OSBPL8: variants seen among roughly 807,000 people sequenced by gnomAD.
OSBPL8 encodes the protein oxysterol binding protein like 8.
A neutral mutation model predicts 125.5 loss-of-function variants in OSBPL8; 59 were observed. That is an observed-to-expected ratio of 0.47 (90% CI 0.38 to 0.58). The LOEUF (loss-of-function observed/expected upper bound fraction) is 0.58. Ranked by LOEUF, OSBPL8 falls within the 20% of genes least tolerant of loss-of-function variation. OSBPL8 has a pLI of 0.00. For synonymous variants in OSBPL8, 330 were observed against 338.9 expected, an observed-to-expected ratio of 0.97 and a Z score of 0.29; for missense variants, 758 against 1,047.8, an observed-to-expected ratio of 0.72 and a Z score of 3.82.
intron 1 of OSBPL8, among the ~76,000 whole-genome samples, chr12:76,520,567 G>A (rs1368870635): frequency 1.3e-5 from 2 of 152,100 alleles, no homozygotes; most frequent in Non-Finnish European, 2.9e-5. Flanking sequence ...GAGACCTAAA[G>A]GTTAACTGGC....
chr12:76,368,921 T>C (rs1297685832), intron 21 of OSBPL8, among the ~76,000 whole-genome samples: 1 of 152,134 alleles, frequency 6.6e-6, no homozygotes, highest in Non-Finnish European at 1.5e-5. Flanking sequence ...TGCACTGGGA[T>C]GGACCTGGGG....
chr12:76,472,595 A>G (rs952153367), intron 2 of OSBPL8, among the ~76,000 whole-genome samples: 1 of 152,296 alleles, frequency 6.6e-6, no homozygotes, highest in Non-Finnish European at 1.5e-5. Context: ...GCCATCTCCA[A>G]TGATAGGTAA....
intron 2 of OSBPL8, among the ~76,000 whole-genome samples, chr12:76,475,469 C>T (rs1023961149): frequency 3.3e-5 from 5 of 152,170 alleles, no homozygotes; most frequent in African/African-American, 1.2e-4. Flanking sequence ...TCTGTTTTTT[C>T]AGGTGGTCCC....
At chr12:76,362,115 G>A (rs1316937854) in intron 21 of OSBPL8, among the ~76,000 whole-genome samples, 3 of 152,058 alleles carry the variant, frequency 2.0e-5, no homozygotes, top group South Asian at 2.1e-4. Flanking sequence ...TTCAAATGCT[G>A]GAGGCTTAAA....
intron 1 of OSBPL8, 76 bp from the exon 2 acceptor site, chr12:76,487,694 G>C (rs1392312927): frequency 3.3e-5 from 17 of 520,548 alleles, no homozygotes; most frequent in Middle Eastern, 2.9e-4. Context: ...GAGTTTGTTA[G>C]AAGGGAAAAA....
chr12:76,541,218 T>C (rs1950635023), intron 1 of OSBPL8, among the ~76,000 whole-genome samples: 1 of 152,134 alleles, frequency 6.6e-6, no homozygotes, highest in Non-Finnish European at 1.5e-5. Context: ...GTGGCTCATG[T>C]CTGTAATCCC....
At chr12:76,359,802 G>A (rs1952129411) in intron 21 of OSBPL8, among the ~76,000 whole-genome samples, 1 of 152,078 alleles carries the variant, frequency 6.6e-6, no homozygotes, top group Non-Finnish European at 1.5e-5. Flanking sequence ...GAACAATATG[G>A]GGGAAACTGC....
chr12:76,372,195 A>C (rs973713620), intron 18 of OSBPL8, among the ~76,000 whole-genome samples: 1 of 150,988 alleles, frequency 6.6e-6, no homozygotes, highest in African/African-American at 2.4e-5. Flanking sequence ...GTCATCTCTC[A>C]CTCTCATCTC....
At chr12:76,459,135 A>C (rs1874402424) in intron 3 of OSBPL8, among the ~76,000 whole-genome samples, 1 of 152,184 alleles carries the variant, frequency 6.6e-6, no homozygotes, top group African/African-American at 2.4e-5. Context: ...TGCTATCTTA[A>C]CTTCAGGCTC....
In OSBPL8 at chr12:76,416,425, C is replaced by T. The variant is rs117847872; in HGVS notation, c.218-5791G>A. Among the ~76,000 whole-genome samples the T allele has an allele frequency of 5.0e-3, 761 of 152,152 alleles. 3 individuals are homozygous for T. The highest frequency in any genetic ancestry group is 8.2e-3 in the Non-Finnish European group (557 of 67,936). On this transcript the variant is annotated intron_variant, in intron 4 of 23. Coordinates refer to ENST00000261183, the MANE Select transcript of OSBPL8 (RefSeq NM_020841.5). Reference sequence around the variant, plus strand: ...AGTTCTATATTTGTCCATTAACACACATTTCTTAGTAGAGAAGTTCTATTT... The same window carrying T: ...AGTTCTATATTTGTCCATTAACACATATTTCTTAGTAGAGAAGTTCTATTT...
chr12:76,358,722 G>C lies in OSBPL8; in HGVS notation c.2418C>G (p.Asp806Glu), dbSNP rs937292584. The change falls in exon 22 of 24, where the codon GAC (aspartate) becomes GAG (glutamate). Residue 806 changes from aspartate (D) to glutamate (E), a missense_variant. Asp to Glu is a conservative substitution (Grantham distance 45). Coordinates refer to ENST00000261183, the MANE Select transcript of OSBPL8 (RefSeq NM_020841.5). ...TATTTTTACCTTCACTTCCAGAGGA[G>C]TCTTGAATGTCAGGTTCTGGGGAGG... ...GYSSPEPDIQ[D>E]SSGSEAQSVK... The C allele has an allele frequency of 1.2e-6, 2 of 1,611,604 alleles. No homozygotes were observed. The highest frequency in any genetic ancestry group is 1.7e-6 in the Non-Finnish European group (2 of 1,177,762).
At chr12:76,378,306 A>C (rs1952906892) in intron 16 of OSBPL8, 146 bp downstream of exon 16, 1 of 578,970 alleles carries the variant, frequency 1.7e-6, no homozygotes, top group Non-Finnish European at 3.0e-6. Flanking sequence ...AATGATAGCA[A>C]TAATCTTAAA....
At position 76,397,858 on chromosome 12, in the gene OSBPL8, C is replaced by T; in HGVS notation, c.508G>A (p.Val170Met). The change falls in exon 8 of 24, where the codon GTG (valine) becomes ATG (methionine). Residue 170 changes from valine (V) to methionine (M), a missense_variant. Val to Met is a conservative substitution (Grantham distance 21). Around this residue, in one of 3 missense-constraint regions of OSBPL8, gnomAD observed 69 missense variants for 148.7 expected, o/e 0.46. Transcript: ENST00000261183. ...ATCAGTAGCACCCCAGGTTTCAACA[C>T]ACACCATAACTTGGTCCAGCTCTTT... ...TLKSWTKLWC[V>M]LKPGVLLIYK... 2 of 1,614,086 alleles carry T rather than the reference C, an allele frequency of 1.2e-6. No homozygotes were observed. The highest frequency in any genetic ancestry group is 1.7e-6 in the Non-Finnish European group (2 of 1,179,992).
intron 4 of OSBPL8, among the ~76,000 whole-genome samples, chr12:76,446,379 A>C (rs535339937): frequency 1.3e-5 from 2 of 152,328 alleles, no homozygotes; most frequent in African/African-American, 4.8e-5. Flanking sequence ...ATGGAATTTC[A>C]GTGGATAAAC....
chr12:76,367,077 A>C (rs1419511162), intron 21 of OSBPL8, among the ~76,000 whole-genome samples: 9 of 152,152 alleles, frequency 5.9e-5, no homozygotes, highest in African/African-American at 2.2e-4. Context: ...AGTGTGGTTC[A>C]AGTTAATCCC....
chr12:76,520,901 C>T (rs1882009618), intron 1 of OSBPL8, among the ~76,000 whole-genome samples: 1 of 152,156 alleles, frequency 6.6e-6, no homozygotes, highest in South Asian at 2.1e-4. Flanking sequence ...AGGGTCCACC[C>T]AATAGTTGCT....
chr12:76,358,734 A>C lies in OSBPL8; in HGVS notation c.2406T>G (p.Pro802=), dbSNP rs756011241. 2.6e-5 allele frequency: 42 copies of C among 1,613,690 alleles called. No homozygotes were observed. The highest frequency in any genetic ancestry group is 3.5e-5 in the Non-Finnish European group (41 of 1,179,726). The change falls in exon 22 of 24, where the codon CCT becomes CCG. Residue 802 remains proline, a synonymous_variant. Transcript: ENST00000261183. Reference sequence around the variant, plus strand: ...CACTTCCAGAGGAGTCTTGAATGTCAGGTTCTGGGGAGGAATAGCCTTTTG... The same window carrying C: ...CACTTCCAGAGGAGTCTTGAATGTCCGGTTCTGGGGAGGAATAGCCTTTTG... The part of the protein sequence containing the change: ...KVAKGYSSPE[P]DIQDSSGSEA...
intron 16 of OSBPL8, 151 bp downstream of exon 16, chr12:76,378,301 T>C (rs898437793): frequency 5.3e-6 from 3 of 563,834 alleles, no homozygotes; most frequent in East Asian, 3.0e-5. Flanking sequence ...CAGCAAATGA[T>C]AGCAATAATC....
chr12:76,490,331 C>T (rs1353105215), intron 1 of OSBPL8, among the ~76,000 whole-genome samples: 3 of 152,168 alleles, frequency 2.0e-5, no homozygotes, highest in Non-Finnish European at 4.4e-5. Context: ...TTTTCCGGCT[C>T]GAATGTTGCC....
Sources: gnomAD v4.1 joint callset for allele counts (sites outside exome capture counted in the v4.1 genomes callset) on GRCh38, gnomAD v4.1.1 for gene constraint, gnomAD v4.1.1 regional missense constraint, MANE v1.5 for transcripts, NCBI Gene and HGNC (gene_info 2026-07-23, HGNC 2026-07-21) for gene names.